CRYL1: variants seen among roughly 807,000 people sequenced by gnomAD.
CRYL1 encodes the protein crystallin lambda 1, also known as lambda-crystallin homolog.
Under a neutral mutation model 36.6 loss-of-function variants are expected in CRYL1, and 29 were observed. The ratio of observed to expected loss-of-function variants is 0.79; its 90% CI spans 0.59 to 1.08. CRYL1 has a LOEUF of 1.08. CRYL1 is among the 50% of genes least tolerant of loss of function. The pLI, the probability that CRYL1 is intolerant of heterozygous loss-of-function variation, is 0.00. For missense variants in CRYL1, 411 were observed against 407.9 expected (o/e 1.01, Z -0.06); for synonymous variants, 152 against 151.5 (o/e 1.00, Z -0.02).
intron 5 of CRYL1, chr13:20,431,757 A>G (rs1305937162): frequency 8.2e-7 from 1 of 1,221,274 alleles, no homozygotes; most frequent in Non-Finnish European, 1.0e-6. Context: ...AAATTATAAC[A>G]CTGAGGGGTA....
intron 3 of CRYL1, among the ~76,000 whole-genome samples, chr13:20,462,175 CG>C (rs2032842195): frequency 1.9e-3 from 6 of 3,152 alleles, no homozygotes; most frequent in Non-Finnish European, 4.6e-3. Context: ...GGTGGCAGGA[CG>C]ACCTAGTGGG....
intron 5 of CRYL1, chr13:20,431,130 G>C (rs4770026): frequency 1 from 983,275 of 985,412 alleles, 490,610 homozygotes; most frequent in East Asian, 1. Context: ...CCACATCTGT[G>C]ATGCACACCT....
intron 5 of CRYL1, 61 bp downstream of exon 5, chr13:20,432,037 TTGAG>T (rs2032072607): frequency 6.2e-7 from 1 of 1,611,078 alleles, no homozygotes. Context: ...CTGCTCAACT[TTGAG>T]AGGGAGGGAA....
At chr13:20,472,587 C>A (rs964891170) in intron 3 of CRYL1, among the ~76,000 whole-genome samples, 2 of 152,192 alleles carry the variant, frequency 1.3e-5, no homozygotes, top group Admixed American at 1.3e-4. Context: ...GCCCTCCTAA[C>A]GTACGGGCAA....
intron 6 of CRYL1, among the ~76,000 whole-genome samples, chr13:20,411,492 G>A (rs114591277): frequency 0.011 from 1,606 of 152,050 alleles, 36 homozygotes; most frequent in African/African-American, 0.035. Context: ...AGAAAAAAAA[G>A]GGAGAAAGAA....
chr13:20,416,374 A>AC (rs1206735931), intron 5 of CRYL1, among the ~76,000 whole-genome samples: 1 of 152,206 alleles, frequency 6.6e-6, no homozygotes, highest in East Asian at 1.9e-4. Flanking sequence ...AACTCCCGGA[A>AC]CCGTCAAGAA....
At chr13:20,489,325 A>C in intron 3 of CRYL1, 45 bp downstream of exon 3, 7 of 1,608,416 alleles carry the variant, frequency 4.4e-6, no homozygotes, top group Non-Finnish European at 4.2e-6. Flanking sequence ...GCTGGGAGAC[A>C]ATGTCTCAGG....
intron 5 of CRYL1, among the ~76,000 whole-genome samples, chr13:20,423,281 T>C (rs1479517130): frequency 6.6e-6 from 1 of 152,222 alleles, no homozygotes; most frequent in African/African-American, 2.4e-5. Flanking sequence ...CTAATTGCTA[T>C]GGCTAGGACT....
intron 2 of CRYL1, among the ~76,000 whole-genome samples, chr13:20,491,902 G>A (rs765861976): frequency 2.0e-5 from 3 of 152,222 alleles, no homozygotes; most frequent in Non-Finnish European, 4.4e-5. Flanking sequence ...GTACTATGAG[G>A]TGTCTTAGCA....
At chr13:20,483,412 C>T (rs553954257) in intron 3 of CRYL1, among the ~76,000 whole-genome samples, 1 of 152,270 alleles carries the variant, frequency 6.6e-6, no homozygotes, top group South Asian at 2.1e-4. Flanking sequence ...TCACTGCAAG[C>T]TCCGCCTCCT....
At chr13:20,487,436 T>G (rs187877860) in intron 3 of CRYL1, among the ~76,000 whole-genome samples, 168 of 152,248 alleles carry the variant, frequency 1.1e-3, no homozygotes, top group African/African-American at 4.0e-3. Flanking sequence ...GGTAACATGG[T>G]CTGGGAACTC....
intron 2 of CRYL1, among the ~76,000 whole-genome samples, chr13:20,509,091 G>A (rs143469125): frequency 7.9e-5 from 12 of 151,558 alleles, no homozygotes; most frequent in African/African-American, 1.5e-4. Context: ...CTAATTGGGA[G>A]GCCGAGACAG....
rs4570685 is a variant in CRYL1, at chr13:20,493,072, A to G, written c.150-3576T>C. Among the ~76,000 whole-genome samples the G allele has an allele frequency of 0.92, 140,080 of 152,250 alleles. 65,647 individuals are homozygous for G. Among genetic ancestry groups the G allele is most frequent in the East Asian group, 1 (5,176 of 5,176 alleles). ...CTCTAGCTTCTGTCAGAGATCTCCA[A>G]TTAGATTCCCATCTTGCACAGACTC... is the stretch of plus-strand genomic sequence containing the variant. On this transcript the variant is annotated intron_variant, in intron 2 of 7. Coordinates refer to ENST00000298248, the MANE Select transcript of CRYL1 (RefSeq NM_015974.3).
At position 20,432,320 on chromosome 13, in the gene CRYL1, G is replaced by A. The variant is rs73443921; in HGVS notation, c.439-24C>T. ...ACCTTAGGAGAGAGAGAGAAGTGGG[G>A]GAGTCAAGGAGATGATCCTGGGTTT... On this transcript the variant is annotated intron_variant, in intron 4 of 7. Coordinates refer to ENST00000298248, the MANE Select transcript of CRYL1 (RefSeq NM_015974.3). The A allele has an allele frequency of 2.3e-3, 3,676 of 1,572,296 alleles. 79 individuals carry two copies. In the African/African-American group the frequency reaches 0.044, roughly 19 times the overall value.
chr13:20,491,152 C>G (rs1269441188), intron 2 of CRYL1, among the ~76,000 whole-genome samples: 1 of 152,162 alleles, frequency 6.6e-6, no homozygotes, highest in Non-Finnish European at 1.5e-5. Context: ...ACTGATCCTC[C>G]TGCCTTGGCC....
intron 3 of CRYL1, among the ~76,000 whole-genome samples, chr13:20,475,988 T>C (rs7329823): frequency 0.75 from 114,561 of 152,128 alleles, 43,375 homozygotes; most frequent in African/African-American, 0.81. Flanking sequence ...TCCTGGCCTG[T>C]GTCACCTGCC....
At chr13:20,472,744 G>A (rs1311018644) in intron 3 of CRYL1, among the ~76,000 whole-genome samples, 1 of 152,216 alleles carries the variant, frequency 6.6e-6, no homozygotes, top group Non-Finnish European at 1.5e-5. Context: ...GCTGAGGTTC[G>A]CAGGGTGGGG....
intron 3 of CRYL1, among the ~76,000 whole-genome samples, chr13:20,479,657 T>C (rs1023640020): frequency 1.5e-4 from 23 of 152,176 alleles, no homozygotes; most frequent in African/African-American, 5.1e-4. Flanking sequence ...AAATATTATA[T>C]GTGGAAAAAA....
At chr13:20,408,920 CT>C (rs1361199150) in intron 6 of CRYL1, among the ~76,000 whole-genome samples, 1 of 152,204 alleles carries the variant, frequency 6.6e-6, no homozygotes, top group Admixed American at 6.5e-5. Context: ...AATGGCCACA[CT>C]GCCCAAGGTA....
Sources: gnomAD v4.1 joint callset for allele counts (sites outside exome capture counted in the v4.1 genomes callset) on GRCh38, gnomAD v4.1.1 for gene constraint, MANE v1.5 for transcripts, NCBI Gene and HGNC (gene_info 2026-07-23, HGNC 2026-07-21) for gene names.